The following CLSTN2 variants were observed in gnomAD, a reference collection of about 807,000 sequenced individuals.
CLSTN2 encodes calsyntenin 2, also known as calsyntenin-2.
CLSTN2 carries 48 observed loss-of-function variants against 101.2 expected under a neutral mutation model. The ratio of observed to expected loss-of-function variants is 0.47; its 90% CI spans 0.38 to 0.60. CLSTN2 has a LOEUF of 0.60. CLSTN2 is among the 20% of genes least tolerant of loss of function. The pLI is 0.00. For missense variants in CLSTN2, 1,160 were observed against 1,238.2 expected, an observed-to-expected ratio of 0.94 and a Z score of 0.95; for synonymous variants, 481 against 463.6, an observed-to-expected ratio of 1.04 and a Z score of -0.48.
At chr3:140,353,775 A>G (rs1189383850) in intron 2 of CLSTN2, among the ~76,000 whole-genome samples, 1 of 152,194 alleles carries the variant, frequency 6.6e-6, no homozygotes, top group African/African-American at 2.4e-5. Flanking sequence ...ATTCTGGGCC[A>G]TTTATGTATT....
chr3:140,178,511 C>T (rs1257571020), intron 2 of CLSTN2, among the ~76,000 whole-genome samples: 1 of 152,140 alleles, frequency 6.6e-6, no homozygotes, highest in Non-Finnish European at 1.5e-5. Flanking sequence ...AAGACAACTT[C>T]TATACTTCTA....
At chr3:140,356,050 T>C (rs748179022) in intron 2 of CLSTN2, among the ~76,000 whole-genome samples, 16 of 152,232 alleles carry the variant, frequency 1.1e-4, no homozygotes, top group South Asian at 2.1e-4. Flanking sequence ...TCCTTCATGC[T>C]GGGGTAGGGA....
chr3:140,295,642 C>T lies in CLSTN2; in HGVS notation c.233-107987C>T, dbSNP rs1415760111. 7.2e-5 allele frequency among the ~76,000 whole-genome samples: 11 copies of T among 152,062 alleles called. No individual in the cohort carries two copies. In the East Asian group the frequency reaches 9.6e-4, roughly 13 times the overall value. On this transcript the variant is annotated intron_variant, in intron 2 of 16. Transcript: ENST00000458420. ...TATGATGCCAGTTATTTAAAATATG[C>T]AAATATGTAAAACAACATATATCAC...
At chr3:140,345,922 T>C in intron 2 of CLSTN2, among the ~76,000 whole-genome samples, 1 of 152,202 alleles carries the variant, frequency 6.6e-6, no homozygotes, top group South Asian at 2.1e-4. Context: ...AACTCAATTA[T>C]CTGTATTTGC....
At chr3:140,513,098 A>C (rs1218357456) in intron 8 of CLSTN2, among the ~76,000 whole-genome samples, 1 of 152,070 alleles carries the variant, frequency 6.6e-6, no homozygotes, top group Non-Finnish European at 1.5e-5. Context: ...AAATACTTTT[A>C]TTTCTTTCTC....
In CLSTN2 at chr3:140,022,023, G is replaced by A. The variant is rs574711845; in HGVS notation, c.109+86540G>A. On this transcript the variant is annotated intron_variant, in intron 1 of 16. Coordinates refer to ENST00000458420, the MANE Select transcript of CLSTN2 (RefSeq NM_022131.3). ...TCACCTGGAAAGATGCTGAAGGCCAGGCTGTTTTGATGAAAAAAAATGGAA... is the reference window on the plus strand; with the variant it reads ...TCACCTGGAAAGATGCTGAAGGCCAAGCTGTTTTGATGAAAAAAAATGGAA... Among the ~76,000 whole-genome samples, 3 of 152,304 alleles carry A rather than the reference G, an allele frequency of 2.0e-5. No homozygotes were observed. In the East Asian group the frequency reaches 5.8e-4, roughly 29 times the overall value.
At chr3:140,149,033 C>A (rs2009823106) in intron 1 of CLSTN2, among the ~76,000 whole-genome samples, 1 of 152,176 alleles carries the variant, frequency 6.6e-6, no homozygotes, top group Non-Finnish European at 1.5e-5. Context: ...CCAAAACTTC[C>A]TCTTCAGGGA....
intron 5 of CLSTN2, among the ~76,000 whole-genome samples, chr3:140,443,717 C>T (rs554363727): frequency 6.6e-6 from 1 of 152,356 alleles, no homozygotes; most frequent in South Asian, 2.1e-4. Context: ...GTTTGAGACA[C>T]TCCTGAACCA....
intron 1 of CLSTN2, among the ~76,000 whole-genome samples, chr3:140,012,164 G>A (rs1186893294): frequency 6.6e-6 from 1 of 152,016 alleles, no homozygotes; most frequent in Non-Finnish European, 1.5e-5. Context: ...GCAGTACAGA[G>A]CGGGTCCAGA....
At chr3:140,240,835 T>A (rs2086461315) in intron 2 of CLSTN2, among the ~76,000 whole-genome samples, 1 of 152,078 alleles carries the variant, frequency 6.6e-6, no homozygotes, top group African/African-American at 2.4e-5. Context: ...GCAGCCAGAT[T>A]TTTACGTGGC....
At position 140,216,211 on chromosome 3, in the gene CLSTN2, G is replaced by A. The variant is rs116095651; in HGVS notation, c.232+40138G>A. On this transcript the variant is annotated intron_variant, in intron 2 of 16. Coordinates refer to ENST00000458420, the MANE Select transcript of CLSTN2 (RefSeq NM_022131.3). ...GAACTGTTTCATCCCGAAACAACCC[G>A]CCTCCCACCCCCATCCATGGAAAAA... 5.3e-3 allele frequency among the ~76,000 whole-genome samples: 805 copies of A among 151,500 alleles called. 7 individuals carry two copies. The highest frequency in any genetic ancestry group is 0.018 in the African/African-American group (743 of 41,398).
intron 8 of CLSTN2, among the ~76,000 whole-genome samples, chr3:140,496,958 G>A (rs904760209): frequency 1.3e-5 from 2 of 152,094 alleles, no homozygotes; most frequent in Non-Finnish European, 2.9e-5. Context: ...AAAATTAGCC[G>A]GACGTGGTGG....
chr3:139,972,454 A>G (rs1338163110), intron 1 of CLSTN2, among the ~76,000 whole-genome samples: 1 of 152,154 alleles, frequency 6.6e-6, no homozygotes, highest in Non-Finnish European at 1.5e-5. Flanking sequence ...TACTAAGCTG[A>G]GTGGAGAGGA....
intron 1 of CLSTN2, among the ~76,000 whole-genome samples, chr3:139,944,108 TATA>T (rs2107807655): frequency 6.6e-6 from 1 of 152,340 alleles, no homozygotes; most frequent in East Asian, 1.9e-4. Flanking sequence ...CTGACTGCTT[TATA>T]GATATTAACT....
chr3:140,140,315 T>TG (rs2009677592), intron 1 of CLSTN2, among the ~76,000 whole-genome samples: 1 of 152,142 alleles, frequency 6.6e-6, no homozygotes, highest in Admixed American at 6.5e-5. Flanking sequence ...ACAAGAAGCA[T>TG]GGCACCTGAC....
chr3:140,257,962 TACTA>T (rs769868288), intron 2 of CLSTN2, among the ~76,000 whole-genome samples: 4 of 152,184 alleles, frequency 2.6e-5, no homozygotes, highest in Non-Finnish European at 5.9e-5. Flanking sequence ...TTTGCATTTC[TACTA>T]ACTGTGTTCA....
At chr3:140,100,848 T>A (rs1430968310) in intron 1 of CLSTN2, among the ~76,000 whole-genome samples, 1 of 152,232 alleles carries the variant, frequency 6.6e-6, no homozygotes, top group African/African-American at 2.4e-5. Context: ...ATGGCTCCAA[T>A]GCCCATGTGT....
rs374538273 is a variant in CLSTN2, at chr3:140,273,603, G to A, written c.232+97530G>A. ...CCATTGTGTGGTTAAGTGAACCACC[G>A]TGTCAGAGCCCCAAGGCCTGGTATA... On this transcript the variant is annotated intron_variant, in intron 2 of 16. Coordinates refer to ENST00000458420, the MANE Select transcript of CLSTN2 (RefSeq NM_022131.3). Among the ~76,000 whole-genome samples, 22 of 152,238 alleles carry A rather than the reference G, an allele frequency of 1.4e-4. No homozygotes were observed. The East Asian group carries it at 3.1e-3, about 21-fold the overall frequency.
intron 2 of CLSTN2, among the ~76,000 whole-genome samples, chr3:140,329,095 A>G (rs2087357906): frequency 6.6e-6 from 1 of 152,240 alleles, no homozygotes; most frequent in Non-Finnish European, 1.5e-5. Flanking sequence ...GATCTGAAAG[A>G]CTTCCTGTTG....
Sources: allele counts gnomAD v4.1 joint callset (sites outside exome capture counted in the v4.1 genomes callset), GRCh38; gene constraint gnomAD v4.1.1; transcripts MANE v1.5; gene names NCBI Gene and HGNC (gene_info 2026-07-23, HGNC 2026-07-21).